The following AACS variants were observed in gnomAD, a reference collection of about 807,000 sequenced individuals.
AACS encodes acetoacetate-CoA ligase.
AACS carries 69 observed loss-of-function variants against 83.1 expected under a neutral mutation model. The observed-to-expected ratio is 0.83, with a 90% CI of 0.68 to 1.01. The LOEUF (loss-of-function observed/expected upper bound fraction) is 1.01, where lower values mean the gene tolerates loss of function less well. Among genes scored for constraint, AACS ranks in the 50% least tolerant of loss-of-function variants. The pLI, the probability that AACS is intolerant of heterozygous loss-of-function variation, is 0.00. For synonymous variants in AACS, 333 were observed against 343.4 expected, an observed-to-expected ratio of 0.97 and a Z score of 0.33; for missense variants, 866 against 882.2, an observed-to-expected ratio of 0.98 and a Z score of 0.23.
At chr12:125,091,343 T>C in intron 4 of AACS, 83 bp from the exon 5 acceptor site, 1 of 1,407,274 alleles carries the variant, frequency 7.1e-7, no homozygotes, top group Non-Finnish European at 9.9e-7. Context: ...CACTCTGACC[T>C]TGGCTCTCAG....
intron 5 of AACS, among the ~76,000 whole-genome samples, chr12:125,093,526 G>A (rs1222592103): frequency 6.6e-6 from 1 of 152,246 alleles, no homozygotes; most frequent in East Asian, 1.9e-4. Flanking sequence ...CATGGTCTCG[G>A]GGACACTGCT....
At position 125,086,233 on chromosome 12, in the gene AACS, C is replaced by A. The variant is rs1227226149; in HGVS notation, c.359-97C>A. On this transcript the variant is annotated intron_variant, in intron 3 of 17. Coordinates refer to ENST00000316519, the MANE Select transcript of AACS (RefSeq NM_023928.5). ...TTTTCCCTGGGTGTAGATTAATAAC[C>A]TGCATTGAAACAGGTGGGATTTTTC... 10 of 1,008,948 alleles carry A rather than the reference C, an allele frequency of 9.9e-6. No individual in the cohort carries two copies. In the East Asian group the frequency reaches 2.4e-4, roughly 24 times the overall value. 62.5% of individuals were successfully genotyped at this position (1,008,948 alleles called of 1,614,324 possible).
intron 5 of AACS, among the ~76,000 whole-genome samples, chr12:125,099,274 C>G (rs2136087325): frequency 6.6e-6 from 1 of 152,304 alleles, no homozygotes; most frequent in Admixed American, 6.5e-5. Context: ...ATGGTTTACG[C>G]AGAAGGGATG....
intron 15 of AACS, 117 bp downstream of exon 15, chr12:125,134,189 C>T (rs1415723790): frequency 1.6e-5 from 17 of 1,084,678 alleles, no homozygotes; most frequent in Non-Finnish European, 2.1e-5. Context: ...CACCTCACTC[C>T]ACTCCAGCAC....
In AACS at chr12:125,129,411, C is replaced by T. The variant is rs577290107; in HGVS notation, c.1500C>T (p.Asn500=). The T allele has an allele frequency of 6.2e-6, 10 of 1,614,018 alleles. No individual in the cohort carries two copies. Among genetic ancestry groups the T allele is most frequent in the Admixed American group, 3.3e-5 (2 of 60,006 alleles). Reference sequence around the variant, plus strand: ...CTTGCCAGCCCACACACTTCTGGAACGATGAGAACGGCAACAAGTACAGGA... The same window carrying T: ...CTTGCCAGCCCACACACTTCTGGAATGATGAGAACGGCAACAAGTACAGGA... ...PIPCQPTHFW[N]DENGNKYRKA... is the part of the protein sequence containing the mutation. Residue 500 remains asparagine (N), a synonymous_variant, in exon 14 of 18, where the codon AAC becomes AAT. Transcript: ENST00000316519. This position sits in a 1 kb window ranked among gnomAD's most constrained non-coding sequence, Gnocchi z 4.3.
chr12:125,096,329 C>T (rs1956607221), intron 5 of AACS, among the ~76,000 whole-genome samples: 1 of 152,224 alleles, frequency 6.6e-6, no homozygotes, highest in Non-Finnish European at 1.5e-5. Flanking sequence ...AGTAAGCATT[C>T]AGTAAATGCT....
At chr12:125,087,537 G>A (rs1334702626) in intron 4 of AACS, among the ~76,000 whole-genome samples, 2 of 152,138 alleles carry the variant, frequency 1.3e-5, no homozygotes, top group African/African-American at 4.8e-5. Flanking sequence ...TGGGGCTCCC[G>A]ACCTCCCTCC....
Position 125,068,095 on chromosome 12 carries a change from T to C in AACS, c.133+2378T>C, listed in dbSNP as rs372354465. ...GGAGCTCCTTTCCCTCCTTCAGGGCTCTCAGACTGGTGGCCCATGGGCCAG... is the reference window on the plus strand; with the variant it reads ...GGAGCTCCTTTCCCTCCTTCAGGGCCCTCAGACTGGTGGCCCATGGGCCAG... On this transcript the variant is annotated intron_variant, in intron 1 of 17. Coordinates refer to ENST00000316519, the MANE Select transcript of AACS (RefSeq NM_023928.5). Among the ~76,000 whole-genome samples the C allele has an allele frequency of 1.1e-3, 165 of 152,288 alleles. 1 individual carries two copies. The highest frequency in any genetic ancestry group is 3.8e-3 in the African/African-American group (160 of 41,564).
chr12:125,095,635 T>G (rs1592966602), intron 5 of AACS, among the ~76,000 whole-genome samples: 1 of 152,196 alleles, frequency 6.6e-6, no homozygotes, highest in South Asian at 2.1e-4. Flanking sequence ...GAACAGCCTC[T>G]TCTCCCTCCC....
At chr12:125,104,435 G>C (rs1282161582) in intron 7 of AACS, among the ~76,000 whole-genome samples, 1 of 152,328 alleles carries the variant, frequency 6.6e-6, no homozygotes, top group East Asian at 1.9e-4. Context: ...CCTGTCCTCC[G>C]GGAGTTGCAA....
At position 125,065,650 on chromosome 12, in the gene AACS, C is replaced by T; in HGVS notation, c.66C>T (p.Asp22=). ...AGTGCCAGGTGATGTGGGAGCCTGA[C>T]AGTAAGAAGAACACGCAGATGGACC... The part of the protein sequence containing the change: ...ILECQVMWEP[D]SKKNTQMDRF... The change falls in exon 1 of 18, where the codon GAC becomes GAT. Residue 22 remains aspartate (D), a synonymous_variant. Coordinates refer to ENST00000316519, the MANE Select transcript of AACS (RefSeq NM_023928.5). 6.5e-7 allele frequency: 1 copy of T among 1,546,854 alleles called. No homozygotes were observed. The highest frequency in any genetic ancestry group is 8.7e-7 in the Non-Finnish European group (1 of 1,145,046).
rs1326533360 is a variant in AACS at position 125,066,518 on chromosome 12, C to T, written c.133+801C>T. 2.0e-5 allele frequency among the ~76,000 whole-genome samples: 3 copies of T among 148,112 alleles called. No individual in the cohort carries two copies. The East Asian group carries it at 6.0e-4, about 30-fold the overall frequency. ...AGGCTGGAGTGCAATGGCGAGATCT[C>T]GGCACACTGCAACCTCCGCCTCCCG... On this transcript the variant is annotated intron_variant, in intron 1 of 17. Coordinates refer to ENST00000316519, the MANE Select transcript of AACS (RefSeq NM_023928.5).
intron 4 of AACS, among the ~76,000 whole-genome samples, chr12:125,087,560 TGTC>T (rs1275673280): frequency 6.6e-6 from 1 of 152,082 alleles, no homozygotes; most frequent in Non-Finnish European, 1.5e-5. Flanking sequence ...TTCCCCTCCA[TGTC>T]ATCGGACAAG....
chr12:125,073,889 C>CT lies in AACS; in HGVS notation c.149dup (p.Leu50PhefsTer7). 6.2e-7 allele frequency: 1 copy of CT among 1,613,324 alleles called. No individual in the cohort carries two copies. Among genetic ancestry groups the CT allele is most frequent in the Non-Finnish European group, 8.5e-7 (1 of 1,179,638 alleles). On this transcript the variant is annotated frameshift_variant, in exon 2 of 18. Transcript: ENST00000316519. LOFTEE classifies it high-confidence loss of function. ...TTTCATTTTTAGAGAGTTATGATGA[C>CT]TTGTACCATTGGTCCGTTGAGTCAT...
intron 5 of AACS, among the ~76,000 whole-genome samples, chr12:125,096,477 G>A (rs1956611165): frequency 6.6e-6 from 1 of 152,232 alleles, no homozygotes; most frequent in South Asian, 2.1e-4. Flanking sequence ...CCAAGGTCTG[G>A]ACAGGCCCCT....
chr12:125,136,565 C>T, intron 16 of AACS, 97 bp from the exon 17 acceptor site: 1 of 1,006,160 alleles, frequency 9.9e-7, no homozygotes, highest in East Asian at 2.6e-5. Flanking sequence ...GCTTGGGGGA[C>T]CCAGCCTGCC....
In AACS at chr12:125,128,291, CTGTT is replaced by C. The variant is rs773571775; in HGVS notation, c.1423+19_1423+22del. The C allele has an allele frequency of 1.2e-6, 2 of 1,602,258 alleles. No homozygotes were observed. Among genetic ancestry groups the C allele is most frequent in the South Asian group, 2.2e-5 (2 of 89,758 alleles). Reference sequence around the variant, plus strand: ...ACGAGGAAGGTGATGGCTCCACCAACTGTTTCTTTCTGTGATTAGGCGTGAGTTG... The same window carrying C: ...ACGAGGAAGGTGATGGCTCCACCAACTCTTTCTGTGATTAGGCGTGAGTTG... On this transcript the variant is annotated intron_variant, in intron 13 of 17. Coordinates refer to ENST00000316519, the MANE Select transcript of AACS (RefSeq NM_023928.5).
intron 8 of AACS, 122 bp downstream of exon 8, chr12:125,107,390 G>A (rs181063000): frequency 2.0e-5 from 26 of 1,312,862 alleles, no homozygotes; most frequent in Admixed American, 1.9e-4. Context: ...AGAGTCCAAC[G>A]TGCAGCTTCT....
intron 7 of AACS, among the ~76,000 whole-genome samples, chr12:125,103,607 C>T (rs1297872557): frequency 6.6e-6 from 1 of 152,216 alleles, no homozygotes; most frequent in African/African-American, 2.4e-5. Context: ...TGCGTGTGTT[C>T]CCCATTGCTG....
Sources: allele counts gnomAD v4.1 joint callset (sites outside exome capture counted in the v4.1 genomes callset), GRCh38; gene constraint gnomAD v4.1.1; non-coding constraint Gnocchi (gnomAD v3.1); transcripts MANE v1.5; gene names NCBI Gene and HGNC (gene_info 2026-07-23, HGNC 2026-07-21).